DGKB: variants seen among roughly 807,000 people sequenced by gnomAD.
The protein encoded by DGKB is 90 kDa diacylglycerol kinase.
Under a neutral mutation model 114.3 loss-of-function variants are expected in DGKB, and 67 were observed. The ratio of observed to expected loss-of-function variants is 0.59; its 90% confidence interval spans 0.48 to 0.72. The LOEUF (loss-of-function observed/expected upper bound fraction) is 0.72, where lower values mean the gene tolerates loss of function less well. DGKB is among the 30% of genes least tolerant of loss of function. The probability of loss-of-function intolerance (pLI) is 0.00; values close to 1 mark genes in which losing one functional copy is unlikely to be tolerated. For synonymous variants in DGKB, 398 were observed against 323.1 expected (o/e 1.23, Z -2.49); for missense variants, 907 against 975.2 (o/e 0.93, Z 0.93).
At chr7:14,414,768 T>G (rs1825443104) in intron 21 of DGKB, among the ~76,000 whole-genome samples, 1 of 152,148 alleles carries the variant, frequency 6.6e-6, no homozygotes, top group Non-Finnish European at 1.5e-5. Flanking sequence ...TCATTCTAAA[T>G]AGGTTGACAC....
intron 21 of DGKB, among the ~76,000 whole-genome samples, chr7:14,385,573 A>G (rs551717069): frequency 1.3e-5 from 2 of 152,342 alleles, no homozygotes; most frequent in South Asian, 4.1e-4. Context: ...GAGTTTAACA[A>G]GTTCAATTAT....
chr7:14,366,887 TAAC>T (rs1430892121), intron 21 of DGKB, among the ~76,000 whole-genome samples: 1 of 152,138 alleles, frequency 6.6e-6, no homozygotes, highest in East Asian at 1.9e-4. Context: ...AATTAATTAA[TAAC>T]AAAATACGAA....
intron 1 of DGKB, among the ~76,000 whole-genome samples, chr7:14,851,218 C>T (rs1849302372): frequency 6.6e-6 from 1 of 152,048 alleles, no homozygotes; most frequent in Admixed American, 6.6e-5. Flanking sequence ...TTTTTGGACT[C>T]TGCTGACACA....
chr7:14,933,894 C>A (rs1167619047), intron 1 of DGKB, among the ~76,000 whole-genome samples: 1 of 151,984 alleles, frequency 6.6e-6, no homozygotes, highest in South Asian at 2.1e-4. Flanking sequence ...TTTTTTAAAT[C>A]AATTATAGCA....
chr7:14,801,822 C>T (rs1366240920), intron 2 of DGKB, among the ~76,000 whole-genome samples: 2 of 151,230 alleles, frequency 1.3e-5, no homozygotes, highest in Non-Finnish European at 2.9e-5. Flanking sequence ...TCTCTCCCCC[C>T]GATATATGTA....
intron 20 of DGKB, among the ~76,000 whole-genome samples, chr7:14,535,800 T>A (rs987503498): frequency 6.6e-6 from 1 of 152,054 alleles, no homozygotes; most frequent in Non-Finnish European, 1.5e-5. Flanking sequence ...GTTGGCAGGA[T>A]GGTCTCGAAC....
intron 2 of DGKB, among the ~76,000 whole-genome samples, chr7:14,805,708 G>T (rs1209017899): frequency 6.6e-6 from 1 of 151,474 alleles, no homozygotes; most frequent in Non-Finnish European, 1.5e-5. Flanking sequence ...TATCAACATA[G>T]TAAATGTTTA....
intron 2 of DGKB, among the ~76,000 whole-genome samples, chr7:14,765,126 G>T (rs1190608533): frequency 6.6e-6 from 1 of 151,874 alleles, no homozygotes; most frequent in Non-Finnish European, 1.5e-5. Flanking sequence ...CTATACACTT[G>T]GATTTTTTAA....
At chr7:14,948,078 A>G in intron 1 of DGKB, among the ~76,000 whole-genome samples, 1 of 151,772 alleles carries the variant, frequency 6.6e-6, no homozygotes, top group Non-Finnish European at 1.5e-5. Context: ...TATTTTCCTT[A>G]TCTGAAGGGG....
chr7:14,696,168 T>C (rs943452722), intron 8 of DGKB, among the ~76,000 whole-genome samples: 3 of 152,066 alleles, frequency 2.0e-5, no homozygotes, highest in Non-Finnish European at 2.9e-5. Context: ...AAAAATGCTT[T>C]TGTTGAGAAG....
intron 23 of DGKB, among the ~76,000 whole-genome samples, chr7:14,201,328 A>G (rs1042647768): frequency 6.6e-6 from 1 of 152,012 alleles, no homozygotes; most frequent in East Asian, 1.9e-4. Context: ...TAGAATTTCA[A>G]TATATGAATT....
chr7:14,754,973 A>G (rs576556987), intron 3 of DGKB, among the ~76,000 whole-genome samples: 2 of 152,286 alleles, frequency 1.3e-5, no homozygotes, highest in African/African-American at 4.8e-5. Flanking sequence ...ATTCTAGTCA[A>G]TTAGGTTTTT....
chr7:14,338,733 CAG>C (rs769652301), intron 22 of DGKB, 23 bp from the exon 23 acceptor site: 2 of 1,345,282 alleles, frequency 1.5e-6, no homozygotes, highest in South Asian at 3.6e-5. Context: ...AAGAAAGAAA[CAG>C]AAACGGAATA....
intron 23 of DGKB, among the ~76,000 whole-genome samples, chr7:14,235,913 C>T (rs540403516): frequency 1.3e-5 from 2 of 151,956 alleles, no homozygotes; most frequent in Admixed American, 1.3e-4. Flanking sequence ...ACCTAGTGCA[C>T]GTGTGCACAT....
At position 14,647,808 on chromosome 7, in the gene DGKB, A is replaced by T. The variant is rs552549707; in HGVS notation, c.1135-17540T>A. ...GCGCGCACCATGCGCGAGCCGAAGC[A>T]GGGCGAGGCATTGCCTCACTTGGGA... On this transcript the variant is annotated intron_variant, in intron 13 of 25. Coordinates refer to ENST00000402815, the MANE Select transcript of DGKB (RefSeq NM_001350709.2). 3.3e-5 allele frequency among the ~76,000 whole-genome samples: 5 copies of T among 152,352 alleles called. No individual in the cohort carries two copies. The East Asian group carries it at 9.7e-4, about 29-fold the overall frequency.
At chr7:14,216,851 A>G (rs1054518427) in intron 23 of DGKB, among the ~76,000 whole-genome samples, 11 of 151,948 alleles carry the variant, frequency 7.2e-5, no homozygotes, top group African/African-American at 2.7e-4. Context: ...CTTTTAAAGG[A>G]CTTACACCAA....
At chr7:14,850,440 G>T (rs1200787776) in intron 1 of DGKB, among the ~76,000 whole-genome samples, 1 of 152,186 alleles carries the variant, frequency 6.6e-6, no homozygotes, top group Non-Finnish European at 1.5e-5. Flanking sequence ...AAGCTGAGTA[G>T]TGTTTTAAAC....
chr7:14,547,645 G>T (rs997503026), intron 20 of DGKB, among the ~76,000 whole-genome samples: 1 of 151,914 alleles, frequency 6.6e-6, no homozygotes, highest in Non-Finnish European at 1.5e-5. Context: ...TTGTCACTTG[G>T]AGCATTATAG....
At chr7:14,351,371 C>G (rs1813396071) in intron 21 of DGKB, among the ~76,000 whole-genome samples, 1 of 152,212 alleles carries the variant, frequency 6.6e-6, no homozygotes, top group Non-Finnish European at 1.5e-5. Flanking sequence ...GAGAAAAGCA[C>G]TCCCAGAGTA....
Sources: gnomAD v4.1 joint callset for allele counts (sites outside exome capture counted in the v4.1 genomes callset) on GRCh38, gnomAD v4.1.1 for gene constraint, MANE v1.5 for transcripts, NCBI Gene and HGNC (gene_info 2026-07-23, HGNC 2026-07-21) for gene names.